Variants in PGR observed in about 807,000 individuals in gnomAD.
PGR encodes the protein progesterone receptor.
A neutral mutation model predicts 76.1 loss-of-function variants in PGR; 25 were observed. That is an observed-to-expected ratio of 0.33 (90% confidence interval 0.24 to 0.46). PGR has a LOEUF of 0.46. Ranked by LOEUF, PGR falls within the 20% of genes least tolerant of loss-of-function variation. PGR has a pLI of 1.00. For missense variants in PGR, 1,172 were observed against 1,225.3 expected (o/e 0.96, Z 0.65); for synonymous variants, 579 against 535.0 (o/e 1.08, Z -1.14).
In PGR at chr11:101,036,126, T is replaced by G. The variant is rs904592711; in HGVS notation, c.*2990A>C. On this transcript the variant is annotated 3_prime_UTR_variant, in exon 8 of 8. Coordinates refer to ENST00000325455, the MANE Select transcript of PGR (RefSeq NM_000926.4). ...TCCACAGTGCCCATCATCAAACACATGACTATCTGTGGATAATTTAAGTTA... is the reference window on the plus strand; with the variant it reads ...TCCACAGTGCCCATCATCAAACACAGGACTATCTGTGGATAATTTAAGTTA... The G allele has an allele frequency of 1.4e-5, 3 of 217,846 alleles. No homozygotes were observed. The highest frequency in any genetic ancestry group is 1.2e-4 in the Admixed American group (2 of 17,224). 13.5% of individuals were successfully genotyped at this position (217,846 alleles called of 1,614,324 possible).
intron 2 of PGR, among the ~76,000 whole-genome samples, chr11:101,109,277 C>T (rs1862271879): frequency 6.6e-6 from 1 of 152,096 alleles, no homozygotes; most frequent in African/African-American, 2.4e-5. Flanking sequence ...AAAGATTAAG[C>T]TTCGTGAGGG....
intron 2 of PGR, among the ~76,000 whole-genome samples, chr11:101,100,907 A>G (rs1285267572): frequency 6.6e-6 from 1 of 152,218 alleles, no homozygotes; most frequent in African/African-American, 2.4e-5. Flanking sequence ...AAATCATGGT[A>G]TAAACTCATG....
At chr11:101,049,046 T>G (rs1766246947) in intron 6 of PGR, among the ~76,000 whole-genome samples, 1 of 151,978 alleles carries the variant, frequency 6.6e-6, no homozygotes, top group South Asian at 2.1e-4. Flanking sequence ...GTGCCTGGCT[T>G]TCTTTCTCTA....
At chr11:101,058,822 T>C (rs1470776013) in intron 4 of PGR, among the ~76,000 whole-genome samples, 2 of 152,198 alleles carry the variant, frequency 1.3e-5, no homozygotes, top group East Asian at 1.9e-4. Context: ...CTTACACCTC[T>C]AAGTTTACTT....
chr11:101,045,665 T>TG (rs1859848484), intron 6 of PGR, among the ~76,000 whole-genome samples: 2 of 149,134 alleles, frequency 1.3e-5, no homozygotes, highest in African/African-American at 4.9e-5. Context: ...CTATTCCATT[T>TG]TGTGTGTGTG....
At chr11:101,045,144 T>G (rs1859826398) in intron 6 of PGR, among the ~76,000 whole-genome samples, 1 of 152,170 alleles carries the variant, frequency 6.6e-6, no homozygotes, top group African/African-American at 2.4e-5. Context: ...AGATACAAAC[T>G]TATGAAAAAC....
rs1859315097 is a variant in PGR, at chr11:101,030,494, C to T, written c.*8622G>A. ...GAGTCTCACCCTCTTGACAGAAAAC[C>T]TCATATGAATACCCAAACCACTTTG... On this transcript the variant is annotated 3_prime_UTR_variant, in exon 8 of 8. Coordinates refer to ENST00000325455, the MANE Select transcript of PGR (RefSeq NM_000926.4). The T allele has an allele frequency of 4.3e-6, 1 of 231,100 alleles. No homozygotes were observed. The highest frequency in any genetic ancestry group is 5.6e-5 in the Admixed American group (1 of 17,720). The allele number at this position is 231,100 out of a possible 1,614,324, so 14.3% of individuals were successfully genotyped here. A position where few individuals can be genotyped will look rare whatever the true frequency, so the allele number is the denominator to read the frequency against.
At chr11:101,123,272 T>C (rs1456501439) in intron 2 of PGR, among the ~76,000 whole-genome samples, 1 of 152,186 alleles carries the variant, frequency 6.6e-6, no homozygotes, top group Non-Finnish European at 1.5e-5. Context: ...AATGCCATCA[T>C]TTTCATTCTC....
chr11:101,128,035 G>C lies in PGR; in HGVS notation c.1036C>G (p.Pro346Ala). The C allele has an allele frequency of 1.9e-6, 3 of 1,607,294 alleles. No individual in the cohort carries two copies. Among genetic ancestry groups the C allele is most frequent in the Non-Finnish European group, 2.5e-6 (3 of 1,179,834 alleles). Reference sequence around the variant, plus strand: ...GCGACCGGGGTGGACGAGGCACAGGGTGAACTCCGCGGCGGGGCAAAGGCG... The same window carrying C: ...GCGACCGGGGTGGACGAGGCACAGGCTGAACTCCGCGGCGGGGCAAAGGCG... ...ASAFAPPRSSPCASSTPVAVG... is the reference protein window; with the variant it reads ...ASAFAPPRSSACASSTPVAVG... Residue 346 changes from proline (P) to alanine (A), a missense_variant, in exon 1 of 8, where the codon CCC becomes GCC. By Grantham distance (27) the Pro-to-Ala change is conservative (BLOSUM62 -1). Around this residue, in one of 4 missense-constraint regions of PGR, gnomAD observed 893 missense variants for 785.9 expected, o/e 1.14. Transcript: ENST00000325455.
chr11:101,091,028 A>T (rs1861659292), intron 3 of PGR, among the ~76,000 whole-genome samples: 1 of 152,192 alleles, frequency 6.6e-6, no homozygotes, highest in African/African-American at 2.4e-5. Flanking sequence ...TTATATCTAG[A>T]TGTAAAAGCT....
chr11:101,119,765 C>T (rs1368389108), intron 2 of PGR, among the ~76,000 whole-genome samples: 25 of 152,198 alleles, frequency 1.6e-4, no homozygotes, highest in Non-Finnish European at 2.9e-5. Flanking sequence ...GAAAACCAGT[C>T]TCCTATAAGA....
chr11:101,092,702 T>C (rs760952667), intron 2 of PGR, among the ~76,000 whole-genome samples: 1 of 152,180 alleles, frequency 6.6e-6, no homozygotes, highest in Non-Finnish European at 1.5e-5. Context: ...TCTAATTTAT[T>C]TAGATTTAAC....
chr11:101,058,454 C>G (rs1860370796), intron 4 of PGR, among the ~76,000 whole-genome samples: 1 of 152,106 alleles, frequency 6.6e-6, no homozygotes, highest in African/African-American at 2.4e-5. Flanking sequence ...GTTGTTTTGG[C>G]ACGCTTCAAA....
At chr11:101,088,268 T>C (rs1389813780) in intron 3 of PGR, among the ~76,000 whole-genome samples, 1 of 152,262 alleles carries the variant, frequency 6.6e-6, no homozygotes, top group East Asian at 1.9e-4. Context: ...GGAATACTTA[T>C]ATACTGTTGG....
intron 2 of PGR, among the ~76,000 whole-genome samples, chr11:101,117,716 G>A (rs1565367117): frequency 6.6e-6 from 1 of 151,820 alleles, no homozygotes; most frequent in South Asian, 2.1e-4. Flanking sequence ...AAAAATAAAC[G>A]TTTCTTAATT....
chr11:101,045,665 TTGTGTGTGTGTGTG>T (rs5794091), intron 6 of PGR, among the ~76,000 whole-genome samples: 4 of 149,246 alleles, frequency 2.7e-5, no homozygotes, highest in African/African-American at 4.9e-5. Context: ...CTATTCCATT[TTGTGTGTGTGTGTG>T]TGTGTGTGTG....
intron 2 of PGR, among the ~76,000 whole-genome samples, chr11:101,108,332 G>T (rs1862242192): frequency 6.6e-6 from 1 of 151,624 alleles, no homozygotes; most frequent in African/African-American, 2.4e-5. Context: ...TTGAGGCCAG[G>T]AGTTCCAGAC....
In PGR at chr11:101,075,127, T is replaced by C. The variant is rs577440271; in HGVS notation, c.1907-12375A>G. Among the ~76,000 whole-genome samples the C allele has an allele frequency of 3.9e-5, 6 of 152,122 alleles. No homozygotes were observed. The South Asian group carries it at 8.3e-4, about 21-fold the overall frequency. ...CATGGTACTGGTACCAAAACAGATA[T>C]ATAGACCAATGAAGCAGAACAGAGG... is the stretch of plus-strand genomic sequence containing the variant. On this transcript the variant is annotated intron_variant, in intron 3 of 7. Coordinates refer to ENST00000325455, the MANE Select transcript of PGR (RefSeq NM_000926.4).
At chr11:101,095,001 G>A (rs1175099495) in intron 2 of PGR, among the ~76,000 whole-genome samples, 2 of 152,124 alleles carry the variant, frequency 1.3e-5, no homozygotes, top group Admixed American at 1.3e-4. Flanking sequence ...CATGGAATCT[G>A]TGCCACCTTG....
Sources: allele counts gnomAD v4.1 joint callset (sites outside exome capture counted in the v4.1 genomes callset), GRCh38; gene constraint gnomAD v4.1.1; regional missense constraint gnomAD v4.1.1; transcripts MANE v1.5; gene names NCBI Gene and HGNC (gene_info 2026-07-23, HGNC 2026-07-21).